Variants in ZMYND8 observed in about 807,000 individuals in gnomAD.
ZMYND8 encodes the protein zinc finger MYND-type containing 8.
ZMYND8 carries 37 observed loss-of-function variants against 140.8 expected under a neutral mutation model. That is an observed-to-expected ratio of 0.26 (90% CI 0.20 to 0.35). The LOEUF (loss-of-function observed/expected upper bound fraction) is 0.35, where lower values mean the gene tolerates loss of function less well. Ranked by LOEUF, ZMYND8 falls within the 10% of genes least tolerant of loss-of-function variation. The pLI is 1.00. For synonymous variants in ZMYND8, 592 were observed against 597.1 expected (o/e 0.99, Z 0.12); for missense variants, 1,068 against 1,570.0 (o/e 0.68, Z 5.40).
At chr20:47,258,839 G>T (rs758279452) in intron 12 of ZMYND8, among the ~76,000 whole-genome samples, 1 of 151,866 alleles carries the variant, frequency 6.6e-6, no homozygotes, top group East Asian at 1.9e-4. Flanking sequence ...CACTTCCATC[G>T]GTCCCTAGCT....
intron 20 of ZMYND8, among the ~76,000 whole-genome samples, chr20:47,220,595 A>G (rs1041734853): frequency 1.3e-5 from 2 of 151,742 alleles, no homozygotes; most frequent in African/African-American, 4.9e-5. Flanking sequence ...AACTCCACTC[A>G]CTAACAGAAC....
intron 9 of ZMYND8, among the ~76,000 whole-genome samples, chr20:47,282,751 A>G (rs1043809640): frequency 1.3e-5 from 2 of 151,630 alleles, no homozygotes; most frequent in Non-Finnish European, 2.9e-5. Flanking sequence ...AAAAAGAAAG[A>G]TGAGAAAACC....
At chr20:47,313,637 A>C (rs2079139492) in intron 2 of ZMYND8, among the ~76,000 whole-genome samples, 1 of 150,990 alleles carries the variant, frequency 6.6e-6, no homozygotes, top group South Asian at 2.1e-4. Flanking sequence ...AAAAATAATA[A>C]TAATAATAAT....
At chr20:47,333,191 T>C (rs979553414) in intron 2 of ZMYND8, among the ~76,000 whole-genome samples, 2 of 151,240 alleles carry the variant, frequency 1.3e-5, no homozygotes, top group African/African-American at 4.9e-5. Flanking sequence ...CTACAAAACA[T>C]ATATATATGA....
chr20:47,285,862 T>C (rs1601599040), intron 8 of ZMYND8: 2 of 978,308 alleles, frequency 2.0e-6, no homozygotes, highest in Non-Finnish European at 2.4e-6. Context: ...ATAAACTAAG[T>C]GAGAAAGCAG....
intron 2 of ZMYND8, among the ~76,000 whole-genome samples, chr20:47,340,002 G>T (rs2081710766): frequency 6.6e-6 from 1 of 151,998 alleles, no homozygotes; most frequent in Non-Finnish European, 1.5e-5. Context: ...GAGTGCAGGG[G>T]CACGATCTCA....
Position 47,246,020 on chromosome 20 carries a change from G to C in ZMYND8, c.2272C>G (p.Pro758Ala). The C allele has an allele frequency of 6.3e-7, 1 of 1,598,656 alleles. No individual in the cohort carries two copies. Among genetic ancestry groups the C allele is most frequent in the Non-Finnish European group, 8.5e-7 (1 of 1,174,056 alleles). ...TACAATCACTTACCATCCTGTTTGG[G>C]AGATGGTTCTTTGGGTTCCTTCTTA... Reference protein sequence around the residue: ...KNKKEPKEPSPKQDVVGKTPP... With the variant: ...KNKKEPKEPSAKQDVVGKTPP... The change falls in exon 14 of 23, where the codon CCC becomes GCC. Residue 758 changes from proline to alanine, a missense_variant. Physicochemically the swap from Pro to Ala is conservative, Grantham distance 27 (BLOSUM62 -1). This residue lies in a region of ZMYND8 where 383 missense variants were observed against 431.2 expected (regional missense o/e 0.89). Coordinates refer to ENST00000471951, the MANE Select transcript of ZMYND8 (RefSeq NM_001281775.3).
At chr20:47,258,446 C>T (rs1025807982) in intron 12 of ZMYND8, among the ~76,000 whole-genome samples, 1 of 152,164 alleles carries the variant, frequency 6.6e-6, no homozygotes, top group African/African-American at 2.4e-5. Flanking sequence ...TGGGAGAATA[C>T]AGTCCTATGA....
intron 14 of ZMYND8, among the ~76,000 whole-genome samples, chr20:47,240,368 G>A (rs1251743824): frequency 6.6e-6 from 1 of 151,772 alleles, no homozygotes; most frequent in Non-Finnish European, 1.5e-5. Context: ...TACAAAAATA[G>A]CCGGGTGCGG....
chr20:47,226,862 A>G (rs2037784186), intron 18 of ZMYND8, among the ~76,000 whole-genome samples: 1 of 151,618 alleles, frequency 6.6e-6, no homozygotes, highest in Non-Finnish European at 1.5e-5. Flanking sequence ...GGGTTTCGCC[A>G]GATTACCCAG....
At chr20:47,316,263 G>A (rs1318157690) in intron 2 of ZMYND8, among the ~76,000 whole-genome samples, 1 of 151,320 alleles carries the variant, frequency 6.6e-6, no homozygotes, top group African/African-American at 2.4e-5. Context: ...CCCAGGAGGC[G>A]GAGGTTGCAG....
chr20:47,258,781 A>T (rs2074943940), intron 12 of ZMYND8, among the ~76,000 whole-genome samples: 2 of 152,088 alleles, frequency 1.3e-5, no homozygotes, highest in Non-Finnish European at 2.9e-5. Context: ...GTCACTGGAG[A>T]ATTCCTTAAC....
chr20:47,211,265 C>T (rs1331917709), intron 22 of ZMYND8, among the ~76,000 whole-genome samples: 1 of 152,162 alleles, frequency 6.6e-6, no homozygotes, highest in East Asian at 1.9e-4. Flanking sequence ...CTGGGTCCAA[C>T]CTTGGCCCCT....
intron 2 of ZMYND8, chr20:47,318,526 A>C: frequency 2.8e-6 from 1 of 357,296 alleles, no homozygotes; most frequent in East Asian, 7.4e-5. Context: ...AATCAGGAGC[A>C]AAGGTTGGGG....
At chr20:47,213,365 G>GT (rs1254866066) in intron 21 of ZMYND8, among the ~76,000 whole-genome samples, 2 of 152,156 alleles carry the variant, frequency 1.3e-5, no homozygotes, top group African/African-American at 4.8e-5. Flanking sequence ...ACAATTGAAA[G>GT]TAAGATCAAG....
In ZMYND8 at chr20:47,270,641, G is replaced by A. The variant is rs572289125; in HGVS notation, c.1480+5673C>T. On this transcript the variant is annotated intron_variant, in intron 11 of 22. Coordinates refer to ENST00000471951, the MANE Select transcript of ZMYND8 (RefSeq NM_001281775.3). ...CTCAGGAGGCTAAGGCGGGAGGATCGCTTAAGCCCAAGAGTCTGAGACCAG... is the reference window on the plus strand; with the variant it reads ...CTCAGGAGGCTAAGGCGGGAGGATCACTTAAGCCCAAGAGTCTGAGACCAG... 4.9e-4 allele frequency among the ~76,000 whole-genome samples: 71 copies of A among 144,564 alleles called. 1 individual carries two copies. Among genetic ancestry groups the A allele is most frequent in the African/African-American group, 1.8e-3 (68 of 38,676 alleles). The allele number at this position is 144,564 out of a possible 152,430, so 94.8% of individuals were successfully genotyped here. A position where few individuals can be genotyped will look rare whatever the true frequency, so the allele number is the denominator to read the frequency against.
intron 2 of ZMYND8, among the ~76,000 whole-genome samples, chr20:47,321,038 G>A (rs992330469): frequency 6.6e-6 from 1 of 152,200 alleles, no homozygotes; most frequent in Non-Finnish European, 1.5e-5. Context: ...GGTTTGCAGA[G>A]ACATGGAGGA....
At chr20:47,265,429 A>AGTTT (rs3084704) in intron 11 of ZMYND8, among the ~76,000 whole-genome samples, 36,459 of 151,138 alleles carry the variant, frequency 0.24, 6,411 homozygotes, top group African/African-American at 0.5. Flanking sequence ...CGACAGGTCA[A>AGTTT]GTTTGTTTGT....
intron 8 of ZMYND8, 47 bp from the exon 9 acceptor site, chr20:47,283,695 T>C: frequency 1.3e-6 from 2 of 1,563,824 alleles, no homozygotes; most frequent in East Asian, 2.2e-5. Context: ...GGGGTGGATA[T>C]CTTGTGGACC....
Sources: gnomAD v4.1 joint callset for allele counts (sites outside exome capture counted in the v4.1 genomes callset) on GRCh38, gnomAD v4.1.1 for gene constraint, gnomAD v4.1.1 regional missense constraint, MANE v1.5 for transcripts, NCBI Gene and HGNC (gene_info 2026-07-23, HGNC 2026-07-21) for gene names.